Variants in GK5 observed in about 807,000 individuals in gnomAD.
GK5 encodes the protein ATP:glycerol 3-phosphotransferase 5.
Under a neutral mutation model 77.3 loss-of-function variants are expected in GK5, and 39 were observed. That is an observed-to-expected ratio of 0.50 (90% CI 0.39 to 0.66). The LOEUF (loss-of-function observed/expected upper bound fraction) is 0.66. Among genes scored for constraint, GK5 ranks in the 30% least tolerant of loss-of-function variants. GK5 has a pLI of 0.00. For synonymous variants in GK5, 211 were observed against 208.0 expected (o/e 1.01, Z -0.13); for missense variants, 487 against 633.8 (o/e 0.77, Z 2.49).
chr3:142,191,710 T>C (rs1270117612), intron 5 of GK5, among the ~76,000 whole-genome samples: 7 of 152,092 alleles, frequency 4.6e-5, no homozygotes, highest in African/African-American at 1.7e-4. Context: ...TAATCCCAGC[T>C]ACTTGGAAGG....
chr3:142,190,554 A>C (rs2063833812), intron 5 of GK5, among the ~76,000 whole-genome samples: 1 of 152,220 alleles, frequency 6.6e-6, no homozygotes, highest in Admixed American at 6.5e-5. Context: ...ACAAATTCAA[A>C]AAGCCCTACA....
intron 5 of GK5, among the ~76,000 whole-genome samples, chr3:142,195,314 C>T (rs532601428): frequency 3.9e-5 from 6 of 152,010 alleles, no homozygotes; most frequent in African/African-American, 1.2e-4. Flanking sequence ...ATTTGACTTG[C>T]TAATATTTTG....
At chr3:142,187,672 T>A (rs2063790585) in intron 6 of GK5, 32 bp downstream of exon 6, 1 of 1,466,726 alleles carries the variant, frequency 6.8e-7, no homozygotes, top group East Asian at 2.3e-5. Context: ...AAATTTCGGT[T>A]ATTTAAAATA....
chr3:142,185,067 C>T, intron 9 of GK5: 3 of 985,368 alleles, frequency 3.0e-6, no homozygotes, highest in Non-Finnish European at 3.6e-6. Context: ...TGGTCTCTAC[C>T]TCCTGCTTAA....
intron 5 of GK5, among the ~76,000 whole-genome samples, chr3:142,189,449 T>C (rs2063818523): frequency 6.6e-6 from 1 of 152,236 alleles, no homozygotes; most frequent in South Asian, 2.1e-4. Context: ...TATTTCAAAC[T>C]CTTGTTAAAT....
At chr3:142,203,691 G>A (rs974883868) in intron 4 of GK5, among the ~76,000 whole-genome samples, 4 of 152,028 alleles carry the variant, frequency 2.6e-5, no homozygotes, top group African/African-American at 9.7e-5. Context: ...GGAGAATCAC[G>A]TGAACCCAGG....
intron 13 of GK5, 24 bp from the exon 14 acceptor site, chr3:142,171,502 T>C (rs1368188448): frequency 5.1e-6 from 7 of 1,359,790 alleles, no homozygotes; most frequent in Non-Finnish European, 7.0e-6. Context: ...AAGATAACTA[T>C]TTATAAGAAA....
At chr3:142,184,607 C>T (rs951702952) in intron 9 of GK5, 2 of 152,322 alleles carry the variant, frequency 1.3e-5, no homozygotes, top group African/African-American at 2.4e-5. Context: ...AATTCCAGCA[C>T]TTTGGGAGAC....
chr3:142,203,185 C>T (rs2064053055), intron 4 of GK5, among the ~76,000 whole-genome samples: 1 of 152,142 alleles, frequency 6.6e-6, no homozygotes, highest in Non-Finnish European at 1.5e-5. Context: ...TTTACTCCCT[C>T]AATTACTGTG....
intron 3 of GK5, among the ~76,000 whole-genome samples, chr3:142,209,358 T>C (rs781216665): frequency 1.1e-4 from 16 of 152,204 alleles, no homozygotes; most frequent in Non-Finnish European, 2.1e-4. Flanking sequence ...ACTGAATGGC[T>C]AGTGTGGCTG....
intron 3 of GK5, among the ~76,000 whole-genome samples, chr3:142,206,407 A>G (rs2064107818): frequency 6.6e-6 from 1 of 152,096 alleles, no homozygotes; most frequent in South Asian, 2.1e-4. Flanking sequence ...AATTTTTCCA[A>G]ATCCTCACCA....
At chr3:142,181,403 G>A in intron 11 of GK5, 58 bp downstream of exon 11, 1 of 963,622 alleles carries the variant, frequency 1.0e-6, no homozygotes, top group Non-Finnish European at 1.6e-6. Flanking sequence ...CTGCAATCCT[G>A]TGGCATTCTT....
rs887905718 is a variant in GK5, at chr3:142,160,594, T to C, written c.*5028A>G. The C allele has an allele frequency of 2.0e-5, 3 of 152,244 alleles. No individual in the cohort carries two copies. Among genetic ancestry groups the C allele is most frequent in the Admixed American group, 6.5e-5 (1 of 15,288 alleles). The allele number at this position is 152,244 out of a possible 1,614,324, so 9.4% of individuals were successfully genotyped here. On this transcript the variant is annotated 3_prime_UTR_variant, in exon 16 of 16. Coordinates refer to ENST00000392993, the MANE Select transcript of GK5 (RefSeq NM_001039547.3). ...AATTCAATCTGTTAGTCATCTGCAG[T>C]CAAATATATAAAACCTGTGAAGAGA... is the stretch of plus-strand genomic sequence containing the variant.
intron 4 of GK5, among the ~76,000 whole-genome samples, chr3:142,204,043 G>A (rs554331327): frequency 2.0e-5 from 3 of 152,140 alleles, no homozygotes; most frequent in Non-Finnish European, 4.4e-5. Context: ...CTTTGAGACA[G>A]GATCTCACCG....
chr3:142,212,116 C>A (rs942656310), intron 3 of GK5, among the ~76,000 whole-genome samples: 2 of 152,138 alleles, frequency 1.3e-5, no homozygotes, highest in African/African-American at 2.4e-5. Flanking sequence ...ATCTTTTCCC[C>A]CTCTGCTCAC....
At position 142,159,609 on chromosome 3, in the gene GK5, T is replaced by C. The variant is rs2063408740; in HGVS notation, c.*6013A>G. The stretch of plus-strand genomic sequence containing the variant: ...ATAGATGCTGGTGCCAAAATATTTA[T>C]GGCTATGAGGCTTCAAAACTTAAAA... On this transcript the variant is annotated 3_prime_UTR_variant, in exon 16 of 16. Coordinates refer to ENST00000392993, the MANE Select transcript of GK5 (RefSeq NM_001039547.3). 6.6e-6 allele frequency: 1 copy of C among 150,530 alleles called. No homozygotes were observed. The highest frequency in any genetic ancestry group is 1.5e-5 in the Non-Finnish European group (1 of 67,854). The allele number at this position is 150,530 out of a possible 1,614,324, so 9.3% of individuals were successfully genotyped here.
At chr3:142,170,111 C>T in intron 15 of GK5, 2 of 626,816 alleles carry the variant, frequency 3.2e-6, no homozygotes, top group Non-Finnish European at 5.7e-6. Context: ...ATACTTCTGA[C>T]TGAAGGGGTG....
chr3:142,168,376 A>C (rs960345536), intron 15 of GK5, among the ~76,000 whole-genome samples: 1 of 152,178 alleles, frequency 6.6e-6, no homozygotes, highest in African/African-American at 2.4e-5. Context: ...ATTTTCTTCA[A>C]CTTCAATCAA....
intron 1 of GK5, among the ~76,000 whole-genome samples, chr3:142,217,048 A>G (rs949726697): frequency 1.3e-5 from 2 of 152,234 alleles, no homozygotes; most frequent in African/African-American, 2.4e-5. Context: ...CCAAAACTAC[A>G]AGGTATATGA....
Sources: allele counts gnomAD v4.1 joint callset (sites outside exome capture counted in the v4.1 genomes callset), GRCh38; gene constraint gnomAD v4.1.1; transcripts MANE v1.5; gene names NCBI Gene and HGNC (gene_info 2026-07-23, HGNC 2026-07-21).